MBD5: variants seen among roughly 807,000 people sequenced by gnomAD.
MBD5 encodes the protein methyl-CpG-binding domain protein 5.
Under a neutral mutation model 117.3 loss-of-function variants are expected in MBD5, and 13 were observed. The observed-to-expected ratio is 0.11, with a 90% CI of 0.07 to 0.18. The LOEUF (loss-of-function observed/expected upper bound fraction) is 0.18. Ranked by LOEUF, MBD5 falls within the 10% of genes least tolerant of loss-of-function variation. The pLI is 1.00. For missense variants in MBD5, 1,879 were observed against 2,093.8 expected, an observed-to-expected ratio of 0.90 and a Z score of 2.00; for synonymous variants, 727 against 766.4, an observed-to-expected ratio of 0.95 and a Z score of 0.85.
At chr2:148,385,151 G>T (rs1304436222) in intron 4 of MBD5, among the ~76,000 whole-genome samples, 1 of 152,024 alleles carries the variant, frequency 6.6e-6, no homozygotes, top group Non-Finnish European at 1.5e-5. Flanking sequence ...CACAGCAAAA[G>T]AAACTACCAT....
At chr2:148,154,136 T>G (rs1426054623) in intron 1 of MBD5, among the ~76,000 whole-genome samples, 10 of 127,784 alleles carry the variant, frequency 7.8e-5, no homozygotes, top group Admixed American at 3.3e-4. Context: ...GTCCTTTCTG[T>G]TTGTTAGTTT....
intron 2 of MBD5, among the ~76,000 whole-genome samples, chr2:148,197,818 G>GTTT (rs11389519): frequency 3.9e-5 from 4 of 103,558 alleles, no homozygotes; most frequent in Non-Finnish European, 3.7e-5. Context: ...TTTTTTTTTT[G>GTTT]TTTTTTTTTT....
At chr2:148,056,530 A>G (rs999512578) in intron 1 of MBD5, among the ~76,000 whole-genome samples, 2 of 152,050 alleles carry the variant, frequency 1.3e-5, no homozygotes, top group Admixed American at 1.3e-4. Context: ...ACAAATATTG[A>G]GTTATATTAA....
intron 4 of MBD5, among the ~76,000 whole-genome samples, chr2:148,371,514 G>T (rs902439137): frequency 2.0e-5 from 3 of 152,114 alleles, no homozygotes; most frequent in African/African-American, 7.2e-5. Flanking sequence ...TGGAGAAAAA[G>T]AACACTCTAG....
chr2:148,262,381 C>T lies in MBD5; in HGVS notation c.-680+28986C>T, dbSNP rs117751201. 3.9e-5 allele frequency among the ~76,000 whole-genome samples: 6 copies of T among 151,984 alleles called. No homozygotes were observed. The East Asian group carries it at 1.2e-3, about 29-fold the overall frequency. On this transcript the variant is annotated intron_variant, in intron 3 of 13. Transcript: ENST00000642680. ...AAAAATTATGTCATACGTATTATTC[C>T]TATTTGTAGAAGAGGAAGAGACTGA...
intron 1 of MBD5, among the ~76,000 whole-genome samples, chr2:148,171,837 A>G (rs1357194955): frequency 2.6e-5 from 4 of 152,242 alleles, no homozygotes; most frequent in Admixed American, 6.5e-5. Flanking sequence ...CTGTCCAAGA[A>G]TCAAGAAAAT....
chr2:148,164,138 A>C (rs551928017), intron 1 of MBD5, among the ~76,000 whole-genome samples: 1 of 152,328 alleles, frequency 6.6e-6, no homozygotes, highest in East Asian at 1.9e-4. Flanking sequence ...ACTTCATTTA[A>C]AAGGAGGAAG....
At chr2:148,438,640 T>C (rs747349994) in intron 4 of MBD5, among the ~76,000 whole-genome samples, 21 of 152,104 alleles carry the variant, frequency 1.4e-4, no homozygotes, top group Non-Finnish European at 2.4e-4. Flanking sequence ...GGAGATTTAT[T>C]AGGGGACTTG....
chr2:148,280,275 A>T (rs1025017822), intron 3 of MBD5, among the ~76,000 whole-genome samples: 40 of 152,034 alleles, frequency 2.6e-4, no homozygotes, highest in African/African-American at 9.7e-4. Context: ...TGCACATTTT[A>T]TCTGCTGCCT....
chr2:148,274,364 T>C (rs551172623), intron 3 of MBD5, among the ~76,000 whole-genome samples: 153 of 152,190 alleles, frequency 1.0e-3, no homozygotes, highest in Non-Finnish European at 1.9e-3. Flanking sequence ...TTTCTCCTAA[T>C]GTTATCCCTC....
At chr2:148,075,705 A>G (rs181360917) in intron 1 of MBD5, among the ~76,000 whole-genome samples, 104 of 151,834 alleles carry the variant, frequency 6.8e-4, no homozygotes, top group Admixed American at 6.8e-3. Context: ...GCAATTGGTT[A>G]ATGTATTCTT....
chr2:148,506,335 T>A (rs1682032020), intron 12 of MBD5, among the ~76,000 whole-genome samples: 1 of 152,258 alleles, frequency 6.6e-6, no homozygotes, highest in Admixed American at 6.5e-5. Flanking sequence ...TGTCTATATG[T>A]ACGTATACAT....
intron 8 of MBD5, chr2:148,471,890 A>G (rs1213753159): frequency 2.0e-5 from 3 of 152,122 alleles, no homozygotes; most frequent in Non-Finnish European, 2.9e-5. Flanking sequence ...GACACAAATG[A>G]AAATTTTATT....
intron 4 of MBD5, among the ~76,000 whole-genome samples, chr2:148,439,985 C>G (rs1294098674): frequency 6.6e-6 from 1 of 152,124 alleles, no homozygotes; most frequent in Non-Finnish European, 1.5e-5. Context: ...GCAGTCCTCC[C>G]ACCTTGGCCT....
At chr2:148,119,572 C>A (rs1441267769) in intron 1 of MBD5, among the ~76,000 whole-genome samples, 3 of 151,988 alleles carry the variant, frequency 2.0e-5, no homozygotes, top group Non-Finnish European at 4.4e-5. Flanking sequence ...CTAAAGAGTT[C>A]TTTGCCTAAC....
At chr2:148,218,827 G>A (rs1699617182) in intron 2 of MBD5, among the ~76,000 whole-genome samples, 1 of 152,192 alleles carries the variant, frequency 6.6e-6, no homozygotes, top group South Asian at 2.1e-4. Context: ...ACCACGAATG[G>A]AGCTTGGAGG....
At chr2:148,453,241 G>A (rs933623901) in intron 4 of MBD5, among the ~76,000 whole-genome samples, 2 of 152,186 alleles carry the variant, frequency 1.3e-5, no homozygotes, top group Admixed American at 1.3e-4. Context: ...ACGAGATGAT[G>A]TCTAATTTGA....
chr2:148,259,431 A>G (rs1484676826), intron 3 of MBD5, among the ~76,000 whole-genome samples: 1 of 152,138 alleles, frequency 6.6e-6, no homozygotes, highest in Non-Finnish European at 1.5e-5. Flanking sequence ...GAGCCCATCC[A>G]AGCAGCACAG....
intron 4 of MBD5, among the ~76,000 whole-genome samples, chr2:148,451,321 G>A (rs1294137192): frequency 6.6e-6 from 1 of 152,076 alleles, no homozygotes; most frequent in Non-Finnish European, 1.5e-5. Context: ...ACCAAAAATG[G>A]GGCTAGTGTA....
Sources: allele counts gnomAD v4.1 joint callset (sites outside exome capture counted in the v4.1 genomes callset), GRCh38; gene constraint gnomAD v4.1.1; transcripts MANE v1.5; gene names NCBI Gene and HGNC (gene_info 2026-07-23, HGNC 2026-07-21).